The following TASP1 variants were observed in gnomAD, a reference collection of about 807,000 sequenced individuals.
TASP1 encodes taspase 1.
Under a neutral mutation model 56.6 loss-of-function variants are expected in TASP1, and 16 were observed. That is an observed-to-expected ratio of 0.28 (90% CI 0.19 to 0.43). The LOEUF (loss-of-function observed/expected upper bound fraction) is 0.43. Among genes scored for constraint, TASP1 ranks in the 20% least tolerant of loss-of-function variants. TASP1 has a pLI of 1.00. For missense variants in TASP1, 393 were observed against 511.6 expected, an observed-to-expected ratio of 0.77 and a Z score of 2.24; for synonymous variants, 179 against 184.2, an observed-to-expected ratio of 0.97 and a Z score of 0.23.
At chr20:13,121,567 G>A in the TASP1 span, among the ~76,000 whole-genome samples, 11 of 152,100 alleles carry the variant, frequency 7.2e-5, no homozygotes, top group African/African-American at 2.4e-4. Context: ...TGGAAACCTC[G>A]ATACGAGGAG....
chr20:13,291,171 G>A, the TASP1 span, among the ~76,000 whole-genome samples: 2,516 of 152,234 alleles, frequency 0.017, 74 homozygotes, highest in African/African-American at 0.057. Flanking sequence ...TTCTGTCACC[G>A]CGGAGAGCAG....
rs540295539 is a variant in TASP1, at chr20:13,637,864, A to G, written c.-75+1030T>C. On this transcript the variant is annotated intron_variant, in intron 1 of 13. Transcript: ENST00000337743. ...ATGAGAAAAAGCACTGAAATTTACA[A>G]TTTTAAAGAATAAATTTTATGGTGC... Among the ~76,000 whole-genome samples, 32 of 152,322 alleles carry G rather than the reference A, an allele frequency of 2.1e-4. No individual in the cohort carries two copies. The East Asian group carries it at 2.1e-3, about 10-fold the overall frequency.
intron 10 of TASP1, among the ~76,000 whole-genome samples, chr20:13,496,598 A>G (rs2043740293): frequency 6.6e-6 from 1 of 152,160 alleles, no homozygotes; most frequent in Admixed American, 6.5e-5. Context: ...CTACCCAAAA[A>G]CAAGAAAATT....
chr20:13,466,536 C>A (rs571164527), intron 11 of TASP1, among the ~76,000 whole-genome samples: 2 of 152,080 alleles, frequency 1.3e-5, no homozygotes, highest in African/African-American at 4.8e-5. Flanking sequence ...CACAAGGTCA[C>A]GAGTTCAAGA....
the TASP1 span, among the ~76,000 whole-genome samples, chr20:13,305,640 A>G: frequency 6.6e-6 from 1 of 152,224 alleles, no homozygotes; most frequent in African/African-American, 2.4e-5. Context: ...CAGGTCCTGC[A>G]TACAGTAGTG....
chr20:13,330,487 G>A, the TASP1 span, among the ~76,000 whole-genome samples: 1 of 152,060 alleles, frequency 6.6e-6, no homozygotes, highest in Non-Finnish European at 1.5e-5. Context: ...TTAATTTCTT[G>A]TAGTGGCGTT....
At chr20:13,178,013 G>T in the TASP1 span, among the ~76,000 whole-genome samples, 5 of 151,974 alleles carry the variant, frequency 3.3e-5, no homozygotes, top group African/African-American at 1.2e-4. Flanking sequence ...ACCTGACAGA[G>T]AATTAATATC....
chr20:13,400,012 GTGAAACCTACC>G (rs2041678751), intron 13 of TASP1, among the ~76,000 whole-genome samples: 4 of 152,156 alleles, frequency 2.6e-5, no homozygotes, highest in African/African-American at 9.7e-5. Flanking sequence ...CACCTTTGAA[GTGAAACCTACC>G]TAACGCTGGA....
chr20:13,171,449 A>T, the TASP1 span, among the ~76,000 whole-genome samples: 2 of 152,332 alleles, frequency 1.3e-5, no homozygotes, highest in Non-Finnish European at 2.9e-5. Flanking sequence ...TAGATTTTTA[A>T]GCGATGTATT....
At chr20:13,550,687 C>T (rs1268246176) in intron 8 of TASP1, among the ~76,000 whole-genome samples, 2 of 152,078 alleles carry the variant, frequency 1.3e-5, no homozygotes, top group African/African-American at 4.8e-5. Flanking sequence ...CTAGAGAAGA[C>T]TAATTACTCC....
chr20:13,510,333 T>A (rs575884615), intron 10 of TASP1, among the ~76,000 whole-genome samples: 6 of 152,248 alleles, frequency 3.9e-5, no homozygotes, highest in Admixed American at 2.0e-4. Flanking sequence ...CAACTAGGAA[T>A]CTTGCCCCAG....
At chr20:13,289,948 A>C in the TASP1 span, among the ~76,000 whole-genome samples, 4 of 152,188 alleles carry the variant, frequency 2.6e-5, no homozygotes, top group African/African-American at 9.7e-5. Context: ...TCTACCTTAG[A>C]CACTCAGTTC....
At chr20:13,233,646 C>T in the TASP1 span, among the ~76,000 whole-genome samples, 5,358 of 151,102 alleles carry the variant, frequency 0.035, 269 homozygotes, top group African/African-American at 0.11. Context: ...TAATTCTTAG[C>T]CCAAGAAATG....
chr20:13,271,788 T>A, the TASP1 span, among the ~76,000 whole-genome samples: 18 of 152,282 alleles, frequency 1.2e-4, no homozygotes, highest in African/African-American at 3.9e-4. Context: ...CTTCCATATT[T>A]TTTTTAAAGA....
At chr20:13,501,922 G>C (rs963048707) in intron 10 of TASP1, among the ~76,000 whole-genome samples, 3 of 151,878 alleles carry the variant, frequency 2.0e-5, no homozygotes, top group Admixed American at 2.0e-4. Context: ...AAATTATCCA[G>C]AGACAAAGAG....
chr20:13,590,628 G>C (rs2047488402), intron 4 of TASP1, among the ~76,000 whole-genome samples: 1 of 152,134 alleles, frequency 6.6e-6, no homozygotes, highest in Non-Finnish European at 1.5e-5. Flanking sequence ...AGCACTTTGG[G>C]AGGCCAAGGC....
chr20:13,294,165 T>C, the TASP1 span, among the ~76,000 whole-genome samples: 1 of 152,142 alleles, frequency 6.6e-6, no homozygotes, highest in East Asian at 1.9e-4. Context: ...CCTGAAATCT[T>C]GATTTTGCCA....
intron 11 of TASP1, among the ~76,000 whole-genome samples, chr20:13,443,382 C>G (rs1192457841): frequency 6.6e-6 from 1 of 152,198 alleles, no homozygotes; most frequent in African/African-American, 2.4e-5. Flanking sequence ...ACAGAGGGAA[C>G]TGGGGACAAA....
intron 10 of TASP1, among the ~76,000 whole-genome samples, chr20:13,525,675 A>G (rs910313443): frequency 6.6e-6 from 1 of 152,166 alleles, no homozygotes; most frequent in African/African-American, 2.4e-5. Context: ...TATTTTGGCC[A>G]AACAGTTGCA....
Sources: allele counts gnomAD v4.1 joint callset (sites outside exome capture counted in the v4.1 genomes callset), GRCh38; gene constraint gnomAD v4.1.1; transcripts MANE v1.5; gene names NCBI Gene and HGNC (gene_info 2026-07-23, HGNC 2026-07-21).